The following SH3KBP1 variants were observed in gnomAD, a reference collection of about 807,000 sequenced individuals.
SH3KBP1 encodes SH3 domain containing kinase binding protein 1.
Under a neutral mutation model 50.1 loss-of-function variants are expected in SH3KBP1, and 8 were observed. The ratio of observed to expected loss-of-function variants is 0.16; its 90% CI spans 0.09 to 0.29. SH3KBP1 has a LOEUF of 0.29. SH3KBP1 is among the 10% of genes least tolerant of loss of function. SH3KBP1 has a pLI of 1.00. For missense variants in SH3KBP1, 377 were observed against 535.2 expected, an observed-to-expected ratio of 0.70 and a Z score of 2.92; for synonymous variants, 227 against 218.6, an observed-to-expected ratio of 1.04 and a Z score of -0.34.
chrX:19,613,402 T>C (rs973503061), intron 8 of SH3KBP1, among the ~76,000 whole-genome samples: 5 of 111,907 alleles, frequency 4.5e-5, no homozygotes, highest in Non-Finnish European at 9.4e-5. Context: ...AGGAGCAGCA[T>C]GTAGATGACG....
chrX:19,550,488 A>T (rs2065209072), intron 13 of SH3KBP1, among the ~76,000 whole-genome samples: 2 of 111,551 alleles, frequency 1.8e-5, no homozygotes. Flanking sequence ...GCCACAAGCG[A>T]GTGGATGCCG....
chrX:19,622,293 C>T (rs1188109235), intron 8 of SH3KBP1, among the ~76,000 whole-genome samples: 2 of 112,221 alleles, frequency 1.8e-5, no homozygotes, highest in African/African-American at 3.2e-5. Context: ...GCCCAAATCA[C>T]ATTAGCAGAG....
chrX:19,817,025 G>A (rs1569480724), intron 2 of SH3KBP1, among the ~76,000 whole-genome samples: 1 of 111,449 alleles, frequency 9.0e-6, no homozygotes, highest in Admixed American at 9.5e-5. Flanking sequence ...TTGTTGAAAA[G>A]GCTATCCTTC....
chrX:19,820,032 T>C (rs1360170554), intron 2 of SH3KBP1, among the ~76,000 whole-genome samples: 1 of 112,173 alleles, frequency 8.9e-6, no homozygotes, highest in Non-Finnish European at 1.9e-5. Flanking sequence ...GATCTTTCCA[T>C]TACTGACTTC....
intron 10 of SH3KBP1, among the ~76,000 whole-genome samples, chrX:19,592,427 T>C (rs1294588761): frequency 8.9e-6 from 1 of 111,943 alleles, no homozygotes; most frequent in African/African-American, 3.3e-5. Context: ...GGCATCAATA[T>C]AGTCACAGGA....
intron 2 of SH3KBP1, among the ~76,000 whole-genome samples, chrX:19,776,532 G>GTGTTTTTTTTT (rs2065980518): frequency 3.9e-5 from 1 of 25,681 alleles, no homozygotes; most frequent in African/African-American, 1.7e-4. Context: ...TGACAACCTG[G>GTGTTTTTTTTT]TTTTTTTTTT....
chrX:19,694,722 T>C (rs1038639525), intron 5 of SH3KBP1, among the ~76,000 whole-genome samples: 6 of 111,619 alleles, frequency 5.4e-5, no homozygotes, highest in African/African-American at 2.0e-4. Flanking sequence ...CTAATCATAC[T>C]ACTGGTTAAA....
At chrX:19,578,055 A>G (rs1435777615) in intron 12 of SH3KBP1, among the ~76,000 whole-genome samples, 1 of 112,316 alleles carries the variant, frequency 8.9e-6, no homozygotes, top group Non-Finnish European at 1.9e-5. Flanking sequence ...TCTATTGTTC[A>G]TCACTTTTCA....
intron 1 of SH3KBP1, among the ~76,000 whole-genome samples, chrX:19,856,435 C>A (rs1006698550): frequency 6.3e-5 from 7 of 111,350 alleles, no homozygotes; most frequent in Admixed American, 5.8e-4. Flanking sequence ...ATAAACGGGC[C>A]TCAGAAAGCC....
chrX:19,707,958 C>T, intron 3 of SH3KBP1, among the ~76,000 whole-genome samples: 1 of 112,830 alleles, frequency 8.9e-6, no homozygotes, highest in East Asian at 2.8e-4. Context: ...TGGCTGACCG[C>T]CTCACACCAT....
chrX:19,801,955 G>A (rs745763003), intron 2 of SH3KBP1, among the ~76,000 whole-genome samples: 1 of 111,116 alleles, frequency 9.0e-6, no homozygotes, highest in African/African-American at 3.3e-5. Context: ...GCAGGTGCCT[G>A]TAATCCCAGC....
chrX:19,876,538 C>T (rs978092067), intron 1 of SH3KBP1, among the ~76,000 whole-genome samples: 3 of 111,363 alleles, frequency 2.7e-5, no homozygotes, highest in Non-Finnish European at 3.8e-5. Flanking sequence ...CTAGGCATAG[C>T]GTTCCAATGC....
chrX:19,579,329 CG>C (rs1654199748), intron 12 of SH3KBP1, among the ~76,000 whole-genome samples: 2 of 111,607 alleles, frequency 1.8e-5, no homozygotes, highest in Non-Finnish European at 3.8e-5. Flanking sequence ...CCATAGACGT[CG>C]CCTGCAAACC....
At chrX:19,607,171 C>T (rs2067266898) in intron 9 of SH3KBP1, among the ~76,000 whole-genome samples, 1 of 112,547 alleles carries the variant, frequency 8.9e-6, no homozygotes, top group South Asian at 3.7e-4. Flanking sequence ...TCTGGCTCAG[C>T]ACCGTCCAGT....
In SH3KBP1 at chrX:19,684,033, C is replaced by T; in HGVS notation, c.521-5G>A. On this transcript the variant is annotated splice_polypyrimidine_tract_variant and splice_region_variant and intron_variant, in intron 5 of 17. Coordinates refer to ENST00000397821, the MANE Select transcript of SH3KBP1 (RefSeq NM_031892.3). ...AGCCTGTGGTTTCCCTTAAACCTGT[C>T]AAGAGTGGGGATGGGGAGAGAAAGA... The T allele has an allele frequency of 8.3e-7, 1 of 1,197,684 alleles. No individual in the cohort carries two copies. Among genetic ancestry groups the T allele is most frequent in the Non-Finnish European group, 1.1e-6 (1 of 883,728 alleles).
chrX:19,839,561 G>A (rs896929347), intron 1 of SH3KBP1, among the ~76,000 whole-genome samples: 4 of 111,960 alleles, frequency 3.6e-5, no homozygotes, highest in African/African-American at 1.3e-4. Context: ...GACTTCAAAT[G>A]TTCTGCCTGC....
At chrX:19,848,593 T>C (rs947472991) in intron 1 of SH3KBP1, among the ~76,000 whole-genome samples, 16 of 112,449 alleles carry the variant, frequency 1.4e-4, no homozygotes, top group African/African-American at 4.8e-4. Context: ...GAATCAAACA[T>C]TTGTCCTGCC....
At chrX:19,575,085 C>A (rs138179494) in intron 12 of SH3KBP1, among the ~76,000 whole-genome samples, 6 of 112,298 alleles carry the variant, frequency 5.3e-5, no homozygotes, top group African/African-American at 1.9e-4. Flanking sequence ...AAACAGCCAA[C>A]GACAACGGCT....
chrX:19,636,372 C>T (rs1470643978), intron 7 of SH3KBP1, among the ~76,000 whole-genome samples: 2 of 108,903 alleles, frequency 1.8e-5, no homozygotes, highest in African/African-American at 6.7e-5. Context: ...TACACACACA[C>T]ACTCAAATGT....
Sources: gnomAD v4.1 joint callset for allele counts (sites outside exome capture counted in the v4.1 genomes callset) on GRCh38, gnomAD v4.1.1 for gene constraint, MANE v1.5 for transcripts, NCBI Gene and HGNC (gene_info 2026-07-23, HGNC 2026-07-21) for gene names.